The following LRP4 variants were observed in gnomAD, a reference collection of about 807,000 sequenced individuals.
LRP4 encodes LDL receptor related protein 4.
Under a neutral mutation model 220.3 loss-of-function variants are expected in LRP4, and 95 were observed. The ratio of observed to expected loss-of-function variants is 0.43; its 90% confidence interval spans 0.37 to 0.51. The LOEUF is 0.51. Among genes scored for constraint, LRP4 ranks in the 20% least tolerant of loss-of-function variants. The pLI is 0.00. For synonymous variants in LRP4, 903 were observed against 954.6 expected, an observed-to-expected ratio of 0.95 and a Z score of 1.00; for missense variants, 1,925 against 2,567.0, an observed-to-expected ratio of 0.75 and a Z score of 5.40.
chr11:46,918,285 C>T lies in LRP4; in HGVS notation c.52+43G>A. 6.6e-7 allele frequency: 1 copy of T among 1,506,194 alleles called. No homozygotes were observed. The highest frequency in any genetic ancestry group is 8.8e-7 in the Non-Finnish European group (1 of 1,132,136). 93.3% of individuals were successfully genotyped at this position (1,506,194 alleles called of 1,614,324 possible). A position where few individuals can be genotyped will look rare whatever the true frequency, so the allele number is the denominator to read the frequency against. ...AGGTCCCGGGAGGCGAGTCCTGCAG[C>T]GGCCGGACCCAGGGACAAACTTTCC... On this transcript the variant is annotated intron_variant, in intron 1 of 37. Transcript: ENST00000378623. This position sits in a 1 kb window ranked among gnomAD's most constrained non-coding sequence, Gnocchi z 6.0.
At position 46,873,657 on chromosome 11, in the gene LRP4, C is replaced by A. The variant is rs1940931982; in HGVS notation, c.4230-64G>T. 2.2e-6 allele frequency: 3 copies of A among 1,371,072 alleles called. No individual in the cohort carries two copies. In the East Asian group the frequency reaches 6.9e-5, roughly 31 times the overall value. The allele number at this position is 1,371,072 out of a possible 1,614,324, so 84.9% of individuals were successfully genotyped here. The stretch of plus-strand genomic sequence containing the variant: ...ACCCAGAATAGAGTAGAACTTTAAC[C>A]CATGTTCCCATAACTGGACCCCACT... On this transcript the variant is annotated intron_variant, in intron 28 of 37. Coordinates refer to ENST00000378623, the MANE Select transcript of LRP4 (RefSeq NM_002334.4). This position sits in a 1 kb window ranked among gnomAD's most constrained non-coding sequence, Gnocchi z 4.2.
At position 46,858,589 on chromosome 11, in the gene LRP4, T is replaced by G; in HGVS notation, c.*394A>C. ...GCAAGTTCTCTCAGAGAAGCAGTCA[T>G]GCTGGCTGTGATGGGGCAGAGCGCA... On this transcript the variant is annotated 3_prime_UTR_variant, in exon 38 of 38. Coordinates refer to ENST00000378623, the MANE Select transcript of LRP4 (RefSeq NM_002334.4). 1 of 317,664 alleles carries G rather than the reference T, an allele frequency of 3.1e-6. No individual in the cohort carries two copies. Among genetic ancestry groups the G allele is most frequent in the South Asian group, 3.0e-5 (1 of 33,868 alleles). The allele number at this position is 317,664 out of a possible 1,614,324, so 19.7% of individuals were successfully genotyped here. A position where few individuals can be genotyped will look rare whatever the true frequency, so the allele number is the denominator to read the frequency against.
Position 46,895,187 on chromosome 11 carries a change from G to A in LRP4, c.1288C>T (p.Arg430Trp), listed in dbSNP as rs140528156. 2.4e-5 allele frequency: 39 copies of A among 1,613,884 alleles called. No individual in the cohort carries two copies. The highest frequency in any genetic ancestry group is 1.5e-4 in the Admixed American group (9 of 60,000). ...TTACCCAGAGCCTTGCAGCTGCGCC[G>A]GTCGGGCCGTAGTTCATAGCCTGTT... is the stretch of plus-strand genomic sequence containing the variant. ...CETGYELRPDRRSCKALGPEP... is the reference protein window; with the variant it reads ...CETGYELRPDWRSCKALGPEP... The change falls in exon 11 of 38, where the codon CGG (arginine) becomes TGG (tryptophan). Residue 430 changes from arginine to tryptophan, a missense_variant. Physicochemically the swap from Arg to Trp is moderately radical, Grantham distance 101. Transcript: ENST00000378623.
chr11:46,890,506 A>G lies in LRP4; in HGVS notation c.1698-12T>C. ...TCCAGTAAATGGTACTAGGAAGAGA[A>G]AAGTAAATTGGGAAGTGGGCAGCAG... is the stretch of plus-strand genomic sequence containing the variant. On this transcript the variant is annotated splice_polypyrimidine_tract_variant and intron_variant, in intron 13 of 37. Coordinates refer to ENST00000378623, the MANE Select transcript of LRP4 (RefSeq NM_002334.4). The surrounding 1 kb of genome is among the most constrained non-coding windows in gnomAD (Gnocchi z 5.3). The G allele has an allele frequency of 6.3e-7, 1 of 1,598,308 alleles. No homozygotes were observed. The highest frequency in any genetic ancestry group is 8.6e-7 in the Non-Finnish European group (1 of 1,166,082).
At chr11:46,877,632 T>A (rs939183971) in intron 22 of LRP4, among the ~76,000 whole-genome samples, 1 of 152,102 alleles carries the variant, frequency 6.6e-6, no homozygotes, top group South Asian at 2.1e-4. Flanking sequence ...CATGCCCAGC[T>A]AATTTTTGTA....
chr11:46,883,173 T>C (rs1004979629), intron 19 of LRP4, among the ~76,000 whole-genome samples: 5 of 152,148 alleles, frequency 3.3e-5, no homozygotes, highest in Non-Finnish European at 7.3e-5. Flanking sequence ...AAGAAAGAAT[T>C]GAAAAGTTTC....
intron 34 of LRP4, among the ~76,000 whole-genome samples, chr11:46,865,846 T>G (rs1313867240): frequency 1.3e-5 from 2 of 152,186 alleles, no homozygotes; most frequent in Non-Finnish European, 2.9e-5. Context: ...TAAATAAACC[T>G]AAAGAAAATC....
In LRP4 at chr11:46,890,647, TG is replaced by T. The variant is rs1941402188; in HGVS notation, c.1698-154del. Among the ~76,000 whole-genome samples the T allele has an allele frequency of 6.6e-6, 1 of 152,168 alleles. No homozygotes were observed. Among genetic ancestry groups the T allele is most frequent in the Non-Finnish European group, 1.5e-5 (1 of 68,018 alleles). On this transcript the variant is annotated intron_variant, in intron 13 of 37. Coordinates refer to ENST00000378623, the MANE Select transcript of LRP4 (RefSeq NM_002334.4). The surrounding 1 kb of genome is among the most constrained non-coding windows in gnomAD (Gnocchi z 5.3). Reference sequence around the variant, plus strand: ...TTTTTTTTTAGACGGGGTCTCATTTTGTCACCCAGGCTGGAGGGCAGGTGAG... The same window carrying T: ...TTTTTTTTTAGACGGGGTCTCATTTTTCACCCAGGCTGGAGGGCAGGTGAG...
rs142130999 is a variant in LRP4 at position 46,875,681 on chromosome 11, G to A, written c.3700C>T (p.Arg1234Ter). The A allele has an allele frequency of 6.2e-7, 1 of 1,613,922 alleles. No homozygotes were observed. The highest frequency in any genetic ancestry group is 8.5e-7 in the Non-Finnish European group (1 of 1,179,862). The change falls in exon 27 of 38, where the codon CGA becomes TGA. Residue 1234 changes from arginine to a stop codon, truncating the protein, a stop_gained and splice_region_variant. Transcript: ENST00000378623. LOFTEE classifies it high-confidence loss of function. This position sits in a 1 kb window ranked among gnomAD's most constrained non-coding sequence, Gnocchi z 4.5. ...CCATTCAGGTCAGCAGCCTCAATTCGCTGCAGAGGAAGGAGAGGGTGGGGG... is the reference window on the plus strand; with the variant it reads ...CCATTCAGGTCAGCAGCCTCAATTCACTGCAGAGGAAGGAGAGGGTGGGGG... ...QLLWADAHTE[R>*]IEAADLNGAN...
chr11:46,862,535 T>C, intron 37 of LRP4, 71 bp downstream of exon 37: 4 of 1,472,844 alleles, frequency 2.7e-6, no homozygotes, highest in Non-Finnish European at 3.8e-6. Context: ...CTGACTTATT[T>C]GGGCATTTGG....
At chr11:46,895,667 A>C (rs996202078) in intron 10 of LRP4, among the ~76,000 whole-genome samples, 2 of 152,146 alleles carry the variant, frequency 1.3e-5, no homozygotes, top group African/African-American at 4.8e-5. Context: ...CAACTCTGCT[A>C]CTCGCCAGCT....
At position 46,894,691 on chromosome 11, in the gene LRP4, C is replaced by T. The variant is rs201502598; in HGVS notation, c.1438G>A (p.Glu480Lys). 1.2e-6 allele frequency: 2 copies of T among 1,614,180 alleles called. No homozygotes were observed. The highest frequency in any genetic ancestry group is 1.7e-6 in the Non-Finnish European group (2 of 1,180,030). The change falls in exon 12 of 38, where the codon GAG becomes AAG. Residue 480 changes from glutamate to lysine, a missense_variant. Transcript: ENST00000378623. The part of the protein sequence containing the change: ...AIALDFHHRR[E>K]LVFWSDVTLD... ...GTGACATCTGACCAGAAGACAAGCT[C>T]GCGGCGGTGGTGGAAATCAAGGGCA...
Position 46,862,734 on chromosome 11 carries a change from T to G in LRP4, c.5257A>C (p.Lys1753Gln), listed in dbSNP as rs777480637. 3 of 1,613,818 alleles carry G rather than the reference T, an allele frequency of 1.9e-6. No homozygotes were observed. Among genetic ancestry groups the G allele is most frequent in the Non-Finnish European group, 2.5e-6 (3 of 1,179,954 alleles). Reference sequence around the variant, plus strand: ...TTCCCCATTCCAGGATCAGTGAACTTGGATTTTTTGTGTCTTTAGGAGGGA... The same window carrying G: ...TTCCCCATTCCAGGATCAGTGAACTGGGATTTTTTGTGTCTTTAGGAGGGA... ...ALMLYRHKKSKFTDPGMGNLT... is the reference protein window; with the variant it reads ...ALMLYRHKKSQFTDPGMGNLT... The change falls in exon 37 of 38, where the codon AAG (lysine) becomes CAG (glutamine). Residue 1753 changes from lysine to glutamine, a missense_variant. Lys to Gln is a moderately conservative substitution (Grantham distance 53). Coordinates refer to ENST00000378623, the MANE Select transcript of LRP4 (RefSeq NM_002334.4).
intron 12 of LRP4, among the ~76,000 whole-genome samples, chr11:46,893,346 C>T (rs1353285579): frequency 3.3e-5 from 5 of 152,194 alleles, no homozygotes; most frequent in African/African-American, 1.2e-4. Flanking sequence ...AGTTAAGTAA[C>T]TGTCCAAGGG....
At chr11:46,913,455 T>C (rs1017969845) in intron 1 of LRP4, among the ~76,000 whole-genome samples, 2 of 151,866 alleles carry the variant, frequency 1.3e-5, no homozygotes, top group Admixed American at 6.6e-5. Flanking sequence ...GAACTAGGGG[T>C]TGGGGGCTAT....
In LRP4 at chr11:46,875,814, G is replaced by A. The variant is rs1400391311; in HGVS notation, c.3689C>T (p.Ala1230Val). ...KASSQLLWAD[A>V]HTERIEAADL... Reference sequence around the variant, plus strand: ...GGACACGGCTCTCACCTCGGTGTGGGCATCGGCCCATAGCAGTTGGGAGCT... The same window carrying A: ...GGACACGGCTCTCACCTCGGTGTGGACATCGGCCCATAGCAGTTGGGAGCT... Residue 1230 changes from alanine (A) to valine (V), a missense_variant, in exon 26 of 38, where the codon GCC (alanine) becomes GTC (valine). By Grantham distance (64) the Ala-to-Val change is moderately conservative. Transcript: ENST00000378623. The surrounding 1 kb of genome is among the most constrained non-coding windows in gnomAD (Gnocchi z 4.5). 1 of 1,614,088 alleles carries A rather than the reference G, an allele frequency of 6.2e-7. No homozygotes were observed. Among genetic ancestry groups the A allele is most frequent in the Non-Finnish European group, 8.5e-7 (1 of 1,180,020 alleles).
chr11:46,900,608 C>G (rs536172507), intron 2 of LRP4, among the ~76,000 whole-genome samples: 37 of 152,098 alleles, frequency 2.4e-4, no homozygotes, highest in Admixed American at 8.5e-4. Context: ...GCTGGGATTA[C>G]AGGCATGCTT....
rs1941167411 is a variant in LRP4 at position 46,881,775 on chromosome 11, G to A, written c.2741C>T (p.Ser914Phe). The A allele has an allele frequency of 1.2e-6, 2 of 1,613,826 alleles. No individual in the cohort carries two copies. Among genetic ancestry groups the A allele is most frequent in the Non-Finnish European group, 1.7e-6 (2 of 1,180,046 alleles). ...GGCGTCAGCCCAGTATAGACGCTGG[G>A]ACCCATAATCAATAGCTAACCCATT... ...WPNGLAIDYGSQRLYWADAGM... is the reference protein window; with the variant it reads ...WPNGLAIDYGFQRLYWADAGM... The change falls in exon 20 of 38, where the codon TCC becomes TTC. Residue 914 changes from serine (S) to phenylalanine (F), a missense_variant. This residue lies in a region of LRP4 where 1,244 missense variants were observed against 1,624.9 expected (regional missense o/e 0.77). Transcript: ENST00000378623.
chr11:46,904,521 A>ATGGG (rs1238027594), intron 1 of LRP4, among the ~76,000 whole-genome samples: 3 of 150,588 alleles, frequency 2.0e-5, no homozygotes, highest in Non-Finnish European at 4.4e-5. Context: ...GGATGGATGG[A>ATGGG]TGGATGGATG....
Sources: allele counts gnomAD v4.1 joint callset (sites outside exome capture counted in the v4.1 genomes callset), GRCh38; gene constraint gnomAD v4.1.1; regional missense constraint gnomAD v4.1.1; non-coding constraint Gnocchi (gnomAD v3.1); transcripts MANE v1.5; gene names NCBI Gene and HGNC (gene_info 2026-07-23, HGNC 2026-07-21).